Variants in NRG3 observed in about 807,000 individuals in gnomAD.
NRG3 encodes the protein pro-neuregulin-3, membrane-bound isoform.
NRG3 carries 31 observed loss-of-function variants against 66.9 expected under a neutral mutation model. The ratio of observed to expected loss-of-function variants is 0.46; its 90% CI spans 0.35 to 0.63. NRG3 has a LOEUF of 0.63. Among genes scored for constraint, NRG3 ranks in the 20% least tolerant of loss-of-function variants. NRG3 has a pLI of 0.00. For synonymous variants in NRG3, 393 were observed against 359.4 expected (o/e 1.09, Z -1.06); for missense variants, 910 against 878.9 (o/e 1.04, Z -0.45).
At chr10:82,837,016 G>A (rs1310317080) in intron 3 of NRG3, among the ~76,000 whole-genome samples, 4 of 152,106 alleles carry the variant, frequency 2.6e-5, no homozygotes, top group Non-Finnish European at 5.9e-5. Context: ...CCTTGCGATA[G>A]TTTGCTGAGA....
intron 3 of NRG3, among the ~76,000 whole-genome samples, chr10:82,840,688 C>T (rs1215716263): frequency 2.0e-5 from 3 of 152,122 alleles, no homozygotes; most frequent in African/African-American, 4.8e-5. Flanking sequence ...TCTCTTGTGT[C>T]ATCGCAGGCA....
At chr10:82,931,674 T>A (rs952871501) in intron 4 of NRG3, among the ~76,000 whole-genome samples, 2 of 152,278 alleles carry the variant, frequency 1.3e-5, no homozygotes, top group South Asian at 4.1e-4. Flanking sequence ...TGTTAGGGCT[T>A]TTTTGTTTTG....
intron 1 of NRG3, among the ~76,000 whole-genome samples, chr10:82,321,310 G>GGGC (rs1554884246): frequency 4.1e-4 from 61 of 148,492 alleles, no homozygotes; most frequent in African/African-American, 1.5e-3. Context: ...GTGGGGGTGG[G>GGGC]GGTCAGGGAA....
chr10:82,300,250 TAAAA>T (rs1212926614), intron 1 of NRG3, among the ~76,000 whole-genome samples: 2 of 151,350 alleles, frequency 1.3e-5, no homozygotes, highest in South Asian at 4.2e-4. Context: ...TTATAGCAAA[TAAAA>T]TATAAAATAT....
intron 3 of NRG3, among the ~76,000 whole-genome samples, chr10:82,768,080 C>A (rs1267088486): frequency 6.6e-6 from 1 of 152,134 alleles, no homozygotes; most frequent in Non-Finnish European, 1.5e-5. Context: ...CAACAGATGG[C>A]CTTCCAGGCT....
At chr10:82,097,815 A>G (rs959595077) in intron 1 of NRG3, among the ~76,000 whole-genome samples, 5 of 152,106 alleles carry the variant, frequency 3.3e-5, no homozygotes, top group African/African-American at 1.2e-4. Context: ...ATACATGTGT[A>G]GTAGTATGTT....
chr10:81,889,340 C>G (rs1458907738), intron 1 of NRG3: 1 of 152,100 alleles, frequency 6.6e-6, no homozygotes, highest in Non-Finnish European at 1.5e-5. Context: ...CTGTTGATTC[C>G]TTTCTGTACT....
chr10:82,306,293 A>C (rs2080719432), intron 1 of NRG3, among the ~76,000 whole-genome samples: 1 of 152,170 alleles, frequency 6.6e-6, no homozygotes, highest in South Asian at 2.1e-4. Context: ...ATTGGTGTAT[A>C]ATAGATCTTG....
chr10:82,866,304 A>T (rs918351376), intron 4 of NRG3, among the ~76,000 whole-genome samples: 7 of 152,184 alleles, frequency 4.6e-5, no homozygotes. Context: ...TTTATTGTGA[A>T]ATAATTATAT....
At chr10:82,156,509 T>G (rs2071197434) in intron 1 of NRG3, among the ~76,000 whole-genome samples, 1 of 151,706 alleles carries the variant, frequency 6.6e-6, no homozygotes, top group Admixed American at 6.6e-5. Flanking sequence ...CAGCATAATG[T>G]CAATATCACC....
intron 1 of NRG3, among the ~76,000 whole-genome samples, chr10:82,111,548 C>T (rs1354641639): frequency 6.6e-6 from 1 of 152,080 alleles, no homozygotes; most frequent in African/African-American, 2.4e-5. Flanking sequence ...GGAGAAGGTC[C>T]AGGGAAGCAT....
At chr10:82,937,410 G>A (rs1848181589) in intron 4 of NRG3, among the ~76,000 whole-genome samples, 1 of 152,188 alleles carries the variant, frequency 6.6e-6, no homozygotes, top group South Asian at 2.1e-4. Flanking sequence ...GGTAAATAGA[G>A]CGAGACCCTG....
intron 1 of NRG3, among the ~76,000 whole-genome samples, chr10:82,356,855 G>T (rs1467174132): frequency 6.6e-6 from 1 of 152,176 alleles, no homozygotes. Context: ...TTATAATGAG[G>T]TTTTTAATTA....
intron 4 of NRG3, among the ~76,000 whole-genome samples, chr10:82,876,354 T>C (rs1386648358): frequency 2.0e-5 from 3 of 152,214 alleles, no homozygotes; most frequent in East Asian, 1.9e-4. Flanking sequence ...TATATAGTGA[T>C]AGATAGATTT....
At chr10:82,763,722 T>C (rs2059411670) in intron 3 of NRG3, among the ~76,000 whole-genome samples, 2 of 152,288 alleles carry the variant, frequency 1.3e-5, no homozygotes, top group South Asian at 2.1e-4. Context: ...TAATTTATAA[T>C]GTCTTATCTG....
chr10:82,010,019 G>A (rs1254138805), intron 1 of NRG3, among the ~76,000 whole-genome samples: 1 of 152,172 alleles, frequency 6.6e-6, no homozygotes, highest in African/African-American at 2.4e-5. Flanking sequence ...GATAACAAGG[G>A]CTCAGCCTCA....
chr10:82,123,699 G>A lies in NRG3; in HGVS notation c.824-235040G>A, dbSNP rs74144158. ...TCTGCTGGTGTCATTAGTTTTTGAG[G>A]CAAGTCTAAATCAACCAAATATAGA... On this transcript the variant is annotated intron_variant, in intron 1 of 8. Coordinates refer to ENST00000372141, the MANE Select transcript of NRG3 (RefSeq NM_001010848.4). 6.0e-3 allele frequency among the ~76,000 whole-genome samples: 908 copies of A among 152,212 alleles called. 8 individuals are homozygous for A. Among genetic ancestry groups the A allele is most frequent in the African/African-American group, 0.021 (860 of 41,546 alleles).
chr10:82,715,080 C>G (rs906268554), intron 2 of NRG3, among the ~76,000 whole-genome samples: 11 of 152,028 alleles, frequency 7.2e-5, no homozygotes, highest in African/African-American at 2.7e-4. Context: ...TTTAGTCAAT[C>G]TCAAGAAAAA....
intron 1 of NRG3, among the ~76,000 whole-genome samples, chr10:82,223,680 C>T (rs1182028952): frequency 7.4e-6 from 1 of 134,428 alleles, no homozygotes; most frequent in Admixed American, 7.3e-5. Flanking sequence ...CACACACACA[C>T]ACATACACAC....
Sources: allele counts gnomAD v4.1 joint callset (sites outside exome capture counted in the v4.1 genomes callset), GRCh38; gene constraint gnomAD v4.1.1; transcripts MANE v1.5; gene names NCBI Gene and HGNC (gene_info 2026-07-23, HGNC 2026-07-21).